The following GOLPH3 variants were observed in gnomAD, a reference collection of about 807,000 sequenced individuals.
The protein encoded by GOLPH3 is coat protein GPP34.
A neutral mutation model predicts 28.5 loss-of-function variants in GOLPH3; 14 were observed. The ratio of observed to expected loss-of-function variants is 0.49; its 90% CI spans 0.32 to 0.77. The LOEUF is 0.77. Ranked by LOEUF, GOLPH3 falls within the 30% of genes least tolerant of loss-of-function variation. The pLI, the probability that GOLPH3 is intolerant of heterozygous loss-of-function variation, is 0.03. For missense variants in GOLPH3, 350 were observed against 393.7 expected (o/e 0.89, Z 0.94); for synonymous variants, 158 against 159.2 (o/e 0.99, Z 0.06).
chr5:32,142,447 G>C (rs1333504499), intron 2 of GOLPH3, among the ~76,000 whole-genome samples: 2 of 150,256 alleles, frequency 1.3e-5, no homozygotes, highest in Non-Finnish European at 3.0e-5. Flanking sequence ...TCTCCGCCCG[G>C]CAGCCACCTC....
intron 1 of GOLPH3, among the ~76,000 whole-genome samples, chr5:32,145,839 G>A (rs1414179171): frequency 6.6e-6 from 1 of 152,190 alleles, no homozygotes; most frequent in East Asian, 1.9e-4. Flanking sequence ...TGGGAAAGTA[G>A]ATGAATGGGA....
intron 2 of GOLPH3, among the ~76,000 whole-genome samples, chr5:32,136,582 A>G (rs1745937442): frequency 1.3e-5 from 2 of 152,204 alleles, no homozygotes; most frequent in African/African-American, 4.8e-5. Flanking sequence ...TATGTGATCC[A>G]GAAATTCATT....
chr5:32,127,528 G>C (rs898982291), intron 3 of GOLPH3, among the ~76,000 whole-genome samples: 1 of 152,152 alleles, frequency 6.6e-6, no homozygotes, highest in African/African-American at 2.4e-5. Context: ...TACCCACATA[G>C]AGCTATTTAA....
chr5:32,134,495 C>T (rs1745890477), intron 3 of GOLPH3, among the ~76,000 whole-genome samples: 1 of 150,540 alleles, frequency 6.6e-6, no homozygotes, highest in Non-Finnish European at 1.5e-5. Flanking sequence ...AGTAATGAGC[C>T]ACCATGCCTG....
chr5:32,130,331 A>G (rs922516003), intron 3 of GOLPH3, among the ~76,000 whole-genome samples: 4 of 152,256 alleles, frequency 2.6e-5, no homozygotes, highest in Non-Finnish European at 5.9e-5. Context: ...AACATAAAAT[A>G]ATAAACAGCC....
rs141305101 is a variant in GOLPH3, at chr5:32,137,471, C to G, written c.358-1785G>C. On this transcript the variant is annotated intron_variant, in intron 2 of 3. Transcript: ENST00000265070. ...GTCAAGAGTTTGAGACCAGCCTGGC[C>G]AACATGGTGAAACCCGGTCTCTACT... Among the ~76,000 whole-genome samples, 945 of 151,754 alleles carry G rather than the reference C, an allele frequency of 6.2e-3. 11 individuals carry two copies. Among genetic ancestry groups the G allele is most frequent in the African/African-American group, 0.022 (904 of 41,420 alleles).
At chr5:32,149,324 ATAAT>A (rs765343680) in intron 1 of GOLPH3, among the ~76,000 whole-genome samples, 1 of 152,228 alleles carries the variant, frequency 6.6e-6, no homozygotes, top group African/African-American at 2.4e-5. Context: ...ATGCAGTAAG[ATAAT>A]TAATACAGTG....
intron 1 of GOLPH3, among the ~76,000 whole-genome samples, chr5:32,157,136 C>T (rs1161572963): frequency 6.6e-6 from 1 of 152,166 alleles, no homozygotes; most frequent in Non-Finnish European, 1.5e-5. Flanking sequence ...CACTCAAAAC[C>T]AGGGATCTTA....
intron 2 of GOLPH3, among the ~76,000 whole-genome samples, chr5:32,142,583 CT>C (rs1746096072): frequency 7.0e-6 from 1 of 142,812 alleles, no homozygotes; most frequent in Non-Finnish European, 1.5e-5. Flanking sequence ...GCCAGCCGCC[CT>C]GTCCGGGAGG....
At chr5:32,134,359 C>A (rs1745887271) in intron 3 of GOLPH3, among the ~76,000 whole-genome samples, 1 of 151,988 alleles carries the variant, frequency 6.6e-6, no homozygotes, top group Non-Finnish European at 1.5e-5. Context: ...GCATGTGCCA[C>A]TATGTCTGGC....
intron 3 of GOLPH3, among the ~76,000 whole-genome samples, chr5:32,129,827 A>C (rs533424924): frequency 6.6e-6 from 1 of 152,238 alleles, no homozygotes; most frequent in East Asian, 1.9e-4. Flanking sequence ...CACATCTTTC[A>C]AAAGTGTGTA....
At chr5:32,159,386 A>G (rs936255151) in intron 1 of GOLPH3, among the ~76,000 whole-genome samples, 2 of 152,250 alleles carry the variant, frequency 1.3e-5, no homozygotes, top group African/African-American at 4.8e-5. Flanking sequence ...TGTGCCAGGT[A>G]TGGAATCTTC....
At chr5:32,163,419 T>C (rs934544639) in intron 1 of GOLPH3, among the ~76,000 whole-genome samples, 3 of 152,216 alleles carry the variant, frequency 2.0e-5, no homozygotes, top group African/African-American at 7.2e-5. Context: ...GGCTCACATC[T>C]GTGATCCCAG....
Position 32,150,422 on chromosome 5 carries a change from GA to G in GOLPH3, c.226-6543del, listed in dbSNP as rs35032469. Among the ~76,000 whole-genome samples the G allele has an allele frequency of 8.0e-3, 862 of 107,896 alleles. 10 individuals carry two copies. Among genetic ancestry groups the G allele is most frequent in the African/African-American group, 0.019 (635 of 32,984 alleles). 70.8% of individuals were successfully genotyped at this position (107,896 alleles called of 152,430 possible). ...CAAGTTACAAATAAAAGTTCCTAAAGAAAAAAAAAAAAAATAGCCAGGAAAA... is the reference window on the plus strand; with the variant it reads ...CAAGTTACAAATAAAAGTTCCTAAAGAAAAAAAAAAAAATAGCCAGGAAAA... On this transcript the variant is annotated intron_variant, in intron 1 of 3. Transcript: ENST00000265070.
chr5:32,173,799 C>A lies in GOLPH3; in HGVS notation c.225+11G>T. ...CGCCGCCGCCCCCCGCCCAGCCCGCCGCGCCCGCACCTCGCGGTCCTTGAG... is the reference window on the plus strand; with the variant it reads ...CGCCGCCGCCCCCCGCCCAGCCCGCAGCGCCCGCACCTCGCGGTCCTTGAG... On this transcript the variant is annotated intron_variant, in intron 1 of 3. Transcript: ENST00000265070. 1 of 1,387,606 alleles carries A rather than the reference C, an allele frequency of 7.2e-7. No individual in the cohort carries two copies. 86.0% of individuals were successfully genotyped at this position (1,387,606 alleles called of 1,614,324 possible). A position where few individuals can be genotyped will look rare whatever the true frequency, so the allele number is the denominator to read the frequency against.
intron 3 of GOLPH3, among the ~76,000 whole-genome samples, chr5:32,132,015 G>C (rs926117162): frequency 3.3e-5 from 5 of 152,142 alleles, no homozygotes; most frequent in Admixed American, 6.5e-5. Context: ...AATTAGCTGG[G>C]CGTGGTGGCA....
chr5:32,161,966 G>T (rs1156539177), intron 1 of GOLPH3, among the ~76,000 whole-genome samples: 1 of 151,036 alleles, frequency 6.6e-6, no homozygotes, highest in Non-Finnish European at 1.5e-5. Flanking sequence ...GGCAGAGCTT[G>T]CAGTGAGCCG....
intron 1 of GOLPH3, among the ~76,000 whole-genome samples, chr5:32,167,818 A>AT (rs1746749644): frequency 1.3e-5 from 2 of 152,066 alleles, no homozygotes; most frequent in African/African-American, 4.8e-5. Context: ...GCTGGGCATG[A>AT]TAGGGTGCGC....
intron 1 of GOLPH3, among the ~76,000 whole-genome samples, chr5:32,151,430 A>G (rs1215688377): frequency 6.6e-6 from 1 of 152,158 alleles, no homozygotes. Flanking sequence ...GGAGGACTTG[A>G]GCCTGGGAGG....
Sources: gnomAD v4.1 joint callset for allele counts (sites outside exome capture counted in the v4.1 genomes callset) on GRCh38, gnomAD v4.1.1 for gene constraint, MANE v1.5 for transcripts, NCBI Gene and HGNC (gene_info 2026-07-23, HGNC 2026-07-21) for gene names.